Variants in ZNF292 observed in about 807,000 individuals in gnomAD.
The protein encoded by ZNF292 is zinc finger protein 292, also known as 16 zinc-finger domain protein.
In ZNF292, 26 loss-of-function variants were observed where a neutral mutation model predicts 217.9. That is an observed-to-expected ratio of 0.12 (90% confidence interval 0.09 to 0.17). The LOEUF is 0.17. ZNF292 is among the 10% of genes least tolerant of loss of function. The pLI, the probability that ZNF292 is intolerant of heterozygous loss-of-function variation, is 1.00. For missense variants in ZNF292, 2,904 were observed against 3,175.2 expected, an observed-to-expected ratio of 0.91 and a Z score of 2.05; for synonymous variants, 1,257 against 1,124.1, an observed-to-expected ratio of 1.12 and a Z score of -2.37.
At chr6:87,250,111 C>T (rs1774841647) in intron 7 of ZNF292, among the ~76,000 whole-genome samples, 2 of 151,888 alleles carry the variant, frequency 1.3e-5, no homozygotes, top group Non-Finnish European at 2.9e-5. Flanking sequence ...AGTTGGCCCT[C>T]CATATTCATA....
intron 1 of ZNF292, among the ~76,000 whole-genome samples, chr6:87,188,833 C>G (rs1771739596): frequency 1.3e-5 from 2 of 151,426 alleles, no homozygotes; most frequent in African/African-American, 2.4e-5. Context: ...ATATATTAAT[C>G]TAAACAAGAC....
rs1582531246 is a variant in ZNF292 at position 87,260,414 on chromosome 6, G to C, written c.6785G>C (p.Gly2262Ala). 6.2e-7 allele frequency: 1 copy of C among 1,613,560 alleles called. No individual in the cohort carries two copies. The highest frequency in any genetic ancestry group is 8.5e-7 in the Non-Finnish European group (1 of 1,179,676). Residue 2262 changes from glycine to alanine, a missense_variant, in exon 8 of 8, where the codon GGC becomes GCC. By Grantham distance (60) the Gly-to-Ala change is moderately conservative (BLOSUM62 0). Coordinates refer to ENST00000369577, the MANE Select transcript of ZNF292 (RefSeq NM_015021.3). Reference protein sequence around the residue: ...EDGVYKCDCEGCDRIYATRSN... With the variant: ...EDGVYKCDCEACDRIYATRSN... ...GGTGTATACAAATGTGATTGTGAAGGCTGTGACCGTATATATGCAACCCGG... is the reference window on the plus strand; with the variant it reads ...GGTGTATACAAATGTGATTGTGAAGCCTGTGACCGTATATATGCAACCCGG...
intron 6 of ZNF292, among the ~76,000 whole-genome samples, chr6:87,244,682 A>T (rs916329765): frequency 6.6e-6 from 1 of 152,154 alleles, no homozygotes; most frequent in Non-Finnish European, 1.5e-5. Context: ...CTGGGAAATT[A>T]CTGTGGCACA....
intron 1 of ZNF292, among the ~76,000 whole-genome samples, chr6:87,196,842 A>G (rs1430378736): frequency 6.6e-6 from 1 of 152,242 alleles, no homozygotes; most frequent in Non-Finnish European, 1.5e-5. Flanking sequence ...ATTCCCAGAA[A>G]GCATAAAAAG....
intron 3 of ZNF292, among the ~76,000 whole-genome samples, chr6:87,218,264 C>A (rs1772889391): frequency 1.3e-5 from 2 of 152,046 alleles, no homozygotes; most frequent in South Asian, 4.1e-4. Flanking sequence ...TTTTTAAACA[C>A]AGAGGATATA....
At chr6:87,160,331 A>T (rs1000796975) in intron 1 of ZNF292, among the ~76,000 whole-genome samples, 1 of 152,152 alleles carries the variant, frequency 6.6e-6, no homozygotes, top group African/African-American at 2.4e-5. Flanking sequence ...TTGGAGTATG[A>T]TATTTGCTGA....
chr6:87,171,727 G>T (rs1220395811), intron 1 of ZNF292, among the ~76,000 whole-genome samples: 1 of 152,074 alleles, frequency 6.6e-6, no homozygotes, highest in African/African-American at 2.4e-5. Flanking sequence ...GCATATGTCA[G>T]CTTGGACTAG....
At chr6:87,172,581 A>G (rs1034071354) in intron 1 of ZNF292, among the ~76,000 whole-genome samples, 14 of 152,208 alleles carry the variant, frequency 9.2e-5, no homozygotes, top group African/African-American at 3.4e-4. Flanking sequence ...GAAACCTAAT[A>G]CCAATAAATG....
chr6:87,244,534 G>T (rs1295176767), intron 6 of ZNF292, among the ~76,000 whole-genome samples: 1 of 152,164 alleles, frequency 6.6e-6, no homozygotes. Flanking sequence ...GGGCAACATA[G>T]AAGTTTATGT....
intron 1 of ZNF292, among the ~76,000 whole-genome samples, chr6:87,212,939 ATTC>A (rs1772567465): frequency 6.6e-6 from 1 of 152,232 alleles, no homozygotes; most frequent in African/African-American, 2.4e-5. Context: ...AAAGTTAAGA[ATTC>A]TTCTGTGTAG....
chr6:87,160,699 T>A (rs950738305), intron 1 of ZNF292, among the ~76,000 whole-genome samples: 2 of 151,442 alleles, frequency 1.3e-5, no homozygotes, highest in Non-Finnish European at 2.9e-5. Context: ...TATATATATA[T>A]AATTTTCTTA....
chr6:87,243,735 G>C (rs1312694364), intron 6 of ZNF292, 124 bp downstream of exon 6: 22 of 923,684 alleles, frequency 2.4e-5, no homozygotes, highest in Non-Finnish European at 3.2e-5. Context: ...CTTATATTTA[G>C]ATATTACATG....
intron 5 of ZNF292, among the ~76,000 whole-genome samples, chr6:87,242,629 A>G (rs949282490): frequency 9.9e-5 from 15 of 152,284 alleles, no homozygotes; most frequent in Admixed American, 5.2e-4. Flanking sequence ...CAGTTGTACC[A>G]TATTGGAATT....
chr6:87,167,259 T>C (rs1019935284), intron 1 of ZNF292, among the ~76,000 whole-genome samples: 2 of 152,200 alleles, frequency 1.3e-5, no homozygotes, highest in Admixed American at 6.5e-5. Flanking sequence ...GCGAAAAACT[T>C]GCAAAAGTTA....
chr6:87,244,158 AT>A (rs1457605789), intron 6 of ZNF292, among the ~76,000 whole-genome samples: 1 of 152,224 alleles, frequency 6.6e-6, no homozygotes, highest in East Asian at 1.9e-4. Context: ...GATTTATAAA[AT>A]TCCAACATTT....
chr6:87,197,063 G>C (rs1490270819), intron 1 of ZNF292, among the ~76,000 whole-genome samples: 1 of 126,282 alleles, frequency 7.9e-6, no homozygotes, highest in African/African-American at 3.5e-5. Flanking sequence ...TCCAACAAAT[G>C]AGAAAGGAGG....
rs970762658 is a variant in ZNF292, at chr6:87,258,249, A to C, written c.4620A>C (p.Val1540=). 6.2e-7 allele frequency: 1 copy of C among 1,613,010 alleles called. No homozygotes were observed. The change falls in exon 8 of 8, where the codon GTA becomes GTC. Residue 1540 remains valine, a synonymous_variant. Coordinates refer to ENST00000369577, the MANE Select transcript of ZNF292 (RefSeq NM_015021.3). ...NPTVPPLLHT[V]CHPNTLLTNQ... ...CTGTACCACCCCTGTTGCACACTGTATGCCATCCAAACACCTTGCTGACCA... is the reference window on the plus strand; with the variant it reads ...CTGTACCACCCCTGTTGCACACTGTCTGCCATCCAAACACCTTGCTGACCA...
chr6:87,198,878 A>G (rs1772033257), intron 1 of ZNF292, among the ~76,000 whole-genome samples: 1 of 152,212 alleles, frequency 6.6e-6, no homozygotes, highest in South Asian at 2.1e-4. Flanking sequence ...ATTCAGCCAT[A>G]TGGATTTATT....
intron 1 of ZNF292, among the ~76,000 whole-genome samples, chr6:87,193,131 T>G (rs1771865230): frequency 6.6e-6 from 1 of 152,162 alleles, no homozygotes; most frequent in Non-Finnish European, 1.5e-5. Context: ...GGGATGAGGG[T>G]AATTTTAAGT....
Sources: allele counts gnomAD v4.1 joint callset (sites outside exome capture counted in the v4.1 genomes callset), GRCh38; gene constraint gnomAD v4.1.1; transcripts MANE v1.5; gene names NCBI Gene and HGNC (gene_info 2026-07-23, HGNC 2026-07-21).